Variants in EZH2 observed in about 807,000 individuals in gnomAD.
EZH2 encodes the protein histone-lysine N-methyltransferase EZH2.
In EZH2, 18 loss-of-function variants were observed where a neutral mutation model predicts 98.4. That is an observed-to-expected ratio of 0.18 (90% CI 0.13 to 0.27). The LOEUF (loss-of-function observed/expected upper bound fraction) is 0.27, where lower values mean the gene tolerates loss of function less well. EZH2 is among the 10% of genes least tolerant of loss of function. EZH2 has a pLI of 1.00. For missense variants in EZH2, 470 were observed against 935.1 expected, an observed-to-expected ratio of 0.50 and a Z score of 6.49; for synonymous variants, 338 against 312.3, an observed-to-expected ratio of 1.08 and a Z score of -0.87.
At chr7:148,882,974 C>T (rs995614795) in intron 1 of EZH2, among the ~76,000 whole-genome samples, 4 of 152,202 alleles carry the variant, frequency 2.6e-5, no homozygotes, top group Non-Finnish European at 1.5e-5. Flanking sequence ...TAAGAAACTG[C>T]TAACCGTATA....
At chr7:148,813,174 A>G (rs1803618205) in intron 15 of EZH2, among the ~76,000 whole-genome samples, 1 of 152,052 alleles carries the variant, frequency 6.6e-6, no homozygotes, top group Non-Finnish European at 1.5e-5. Context: ...TTACCCGTAA[A>G]ATGGGGGTTA....
At chr7:148,820,436 T>A (rs955395945) in intron 8 of EZH2, among the ~76,000 whole-genome samples, 11 of 152,106 alleles carry the variant, frequency 7.2e-5, no homozygotes. Context: ...AAATGGACTA[T>A]TCAGAATTAT....
intron 16 of EZH2, among the ~76,000 whole-genome samples, chr7:148,811,002 T>C (rs1802908538): frequency 6.6e-6 from 1 of 151,814 alleles, no homozygotes. Flanking sequence ...GGTGAATAAC[T>C]AATGACGTTG....
At chr7:148,866,246 G>C (rs1818425087) in intron 1 of EZH2, among the ~76,000 whole-genome samples, 1 of 152,004 alleles carries the variant, frequency 6.6e-6, no homozygotes, top group Non-Finnish European at 1.5e-5. Flanking sequence ...TCTGTGCTAT[G>C]GTCTGAAGGT....
At chr7:148,877,325 GA>G (rs1396326668) in intron 1 of EZH2, among the ~76,000 whole-genome samples, 2 of 152,170 alleles carry the variant, frequency 1.3e-5, no homozygotes, top group African/African-American at 4.8e-5. Flanking sequence ...TTTCTAAATT[GA>G]AATAGATAAA....
intron 1 of EZH2, among the ~76,000 whole-genome samples, chr7:148,870,039 G>C (rs1819119096): frequency 6.6e-6 from 1 of 152,178 alleles, no homozygotes; most frequent in Non-Finnish European, 1.5e-5. Flanking sequence ...TGGGCAATGT[G>C]AGACCCTGTC....
At chr7:148,839,951 C>G (rs547654022) in intron 3 of EZH2, among the ~76,000 whole-genome samples, 5 of 152,294 alleles carry the variant, frequency 3.3e-5, no homozygotes, top group African/African-American at 1.2e-4. Context: ...CAAATATAAA[C>G]AAACAGTAAC....
chr7:148,863,288 T>C (rs941899418), intron 1 of EZH2, among the ~76,000 whole-genome samples: 2 of 151,854 alleles, frequency 1.3e-5, no homozygotes, highest in African/African-American at 4.8e-5. Context: ...TAATGAAACA[T>C]AGAAATCACC....
At position 148,807,744 on chromosome 7, in the gene EZH2, C is replaced by A. The variant is rs553558548; in HGVS notation, c.2196-38G>T. The A allele has an allele frequency of 5.4e-5, 78 of 1,451,384 alleles. No homozygotes were observed. In the South Asian group the frequency reaches 9.1e-4, roughly 17 times the overall value. The allele number at this position is 1,451,384 out of a possible 1,614,324, so 89.9% of individuals were successfully genotyped here. Reference sequence around the variant, plus strand: ...GAAGGAGATGTCCGCTGGATGGCCACCCATCCAACATGTGCTGAGACTTAA... The same window carrying A: ...GAAGGAGATGTCCGCTGGATGGCCAACCATCCAACATGTGCTGAGACTTAA... On this transcript the variant is annotated intron_variant, in intron 19 of 19. Transcript: ENST00000320356.
chr7:148,837,731 G>A (rs550794594), intron 3 of EZH2, among the ~76,000 whole-genome samples: 11 of 152,326 alleles, frequency 7.2e-5, no homozygotes, highest in Admixed American at 6.5e-4. Flanking sequence ...GCTCCAACAG[G>A]AGAGAGGCAG....
chr7:148,842,288 G>T (rs903934520), intron 3 of EZH2, among the ~76,000 whole-genome samples: 1 of 152,154 alleles, frequency 6.6e-6, no homozygotes, highest in Non-Finnish European at 1.5e-5. Flanking sequence ...GTCAGTGAAG[G>T]AGAAGTGTCT....
At chr7:148,821,463 T>C (rs1307256290) in intron 8 of EZH2, among the ~76,000 whole-genome samples, 2 of 152,250 alleles carry the variant, frequency 1.3e-5, no homozygotes, top group Non-Finnish European at 2.9e-5. Flanking sequence ...AGGTAATTTA[T>C]AAATTTAATG....
At chr7:148,850,552 T>C (rs1815457248) in intron 1 of EZH2, 3 of 448,442 alleles carry the variant, frequency 6.7e-6, no homozygotes, top group Non-Finnish European at 5.9e-6. Flanking sequence ...AAATTTAAAG[T>C]ACCAATTAAA....
chr7:148,869,778 A>G (rs1409847407), intron 1 of EZH2, among the ~76,000 whole-genome samples: 1 of 152,214 alleles, frequency 6.6e-6, no homozygotes, highest in Non-Finnish European at 1.5e-5. Context: ...TTGTTCCATT[A>G]TTTATTCATC....
chr7:148,855,456 C>A (rs1481805119), intron 1 of EZH2, among the ~76,000 whole-genome samples: 1 of 152,102 alleles, frequency 6.6e-6, no homozygotes, highest in Non-Finnish European at 1.5e-5. Flanking sequence ...TGAAGTTGGC[C>A]AAGTTACTGC....
At chr7:148,856,065 T>C (rs1816792730) in intron 1 of EZH2, among the ~76,000 whole-genome samples, 1 of 152,040 alleles carries the variant, frequency 6.6e-6, no homozygotes, top group African/African-American at 2.4e-5. Context: ...TGTCAGGGGA[T>C]CTCAGGATAG....
At chr7:148,860,910 C>T (rs563031650) in intron 1 of EZH2, among the ~76,000 whole-genome samples, 1 of 146,064 alleles carries the variant, frequency 6.8e-6, no homozygotes, top group Non-Finnish European at 1.5e-5. Context: ...TGGGCTCAAA[C>T]AATCACCTCA....
intron 1 of EZH2, among the ~76,000 whole-genome samples, chr7:148,863,937 G>C (rs10259102): frequency 0.18 from 27,260 of 152,192 alleles, 2,656 homozygotes; most frequent in East Asian, 0.25. Context: ...GTACATGAAA[G>C]TACAGATGAG....
chr7:148,833,181 G>A lies in EZH2; in HGVS notation c.247-431C>T, dbSNP rs184879031. 5.3e-4 allele frequency among the ~76,000 whole-genome samples: 80 copies of A among 152,262 alleles called. No individual in the cohort carries two copies. The South Asian group carries it at 0.011, about 21-fold the overall frequency. On this transcript the variant is annotated intron_variant, in intron 3 of 19. Coordinates refer to ENST00000320356, the MANE Select transcript of EZH2 (RefSeq NM_004456.5). ...TAATAAGAATAAGAAAACTTGGGCC[G>A]GGCGCGGTGGCTCACGCCTGTAATC...
Sources: allele counts gnomAD v4.1 joint callset (sites outside exome capture counted in the v4.1 genomes callset), GRCh38; gene constraint gnomAD v4.1.1; transcripts MANE v1.5; gene names NCBI Gene and HGNC (gene_info 2026-07-23, HGNC 2026-07-21).